Variants in SBF2 observed in about 807,000 individuals in gnomAD.
The protein encoded by SBF2 is myotubularin-related protein 13.
Under a neutral mutation model 225.2 loss-of-function variants are expected in SBF2, and 112 were observed. The observed-to-expected ratio is 0.50, with a 90% CI of 0.43 to 0.58. SBF2 has a LOEUF of 0.58. Among genes scored for constraint, SBF2 ranks in the 20% least tolerant of loss-of-function variants. The pLI is 0.00. For synonymous variants in SBF2, 763 were observed against 773.3 expected (o/e 0.99, Z 0.22); for missense variants, 1,996 against 2,206.2 (o/e 0.90, Z 1.91).
intron 1 of SBF2, among the ~76,000 whole-genome samples, chr11:10,215,864 T>C (rs1958110309): frequency 6.6e-6 from 1 of 152,234 alleles, no homozygotes. Context: ...TGAATTTCCA[T>C]CTGACTTACC....
At chr11:10,222,755 C>G (rs1958385045) in intron 1 of SBF2, among the ~76,000 whole-genome samples, 1 of 152,094 alleles carries the variant, frequency 6.6e-6, no homozygotes, top group South Asian at 2.1e-4. Flanking sequence ...TTTATTAACC[C>G]ATTTATATTG....
chr11:10,283,300 C>G (rs1417200159), intron 1 of SBF2, among the ~76,000 whole-genome samples: 1 of 152,020 alleles, frequency 6.6e-6, no homozygotes, highest in African/African-American at 2.4e-5. Context: ...TGGCAACAAA[C>G]AGCAACTAGA....
chr11:10,004,954 T>C (rs1179692518), intron 6 of SBF2, among the ~76,000 whole-genome samples: 5 of 152,152 alleles, frequency 3.3e-5, no homozygotes. Context: ...TGTCTCACTG[T>C]TACAGCAGGT....
intron 1 of SBF2, among the ~76,000 whole-genome samples, chr11:10,274,810 T>C (rs996610602): frequency 1.3e-5 from 2 of 151,084 alleles, no homozygotes; most frequent in Admixed American, 1.3e-4. Context: ...TAGAAACAAA[T>C]TCATTGTGAT....
rs1306977720 is a variant in SBF2, at chr11:9,812,601, T to C, written c.4086A>G (p.Pro1362=). The C allele has an allele frequency of 6.2e-7, 1 of 1,614,168 alleles. No homozygotes were observed. Among genetic ancestry groups the C allele is most frequent in the South Asian group, 1.1e-5 (1 of 91,080 alleles). The change falls in exon 30 of 40, where the codon CCA becomes CCG. Residue 1362 remains proline, a synonymous_variant. Transcript: ENST00000256190. ...CTTCTGAGTCAGTAGGGATGGTGCT[T>C]GGGATACAAGCCCTCATCAGCTTCT... ...SFKKLMRACI[P]STIPTDSEVT... is the part of the protein sequence containing the mutation.
chr11:10,300,525 A>G (rs1469808713), intron 1 of SBF2, among the ~76,000 whole-genome samples: 1 of 151,032 alleles, frequency 6.6e-6, no homozygotes, highest in Non-Finnish European at 1.5e-5. Flanking sequence ...ATATATATAA[A>G]TATATATACA....
chr11:10,021,743 C>T (rs1296962604), intron 6 of SBF2, among the ~76,000 whole-genome samples: 1 of 152,046 alleles, frequency 6.6e-6, no homozygotes, highest in South Asian at 2.1e-4. Context: ...TTGTAAAATC[C>T]GCTACCACCA....
chr11:9,959,179 T>A, intron 16 of SBF2: 1 of 810,150 alleles, frequency 1.2e-6, no homozygotes, highest in Admixed American at 1.7e-5. Context: ...GCTGATTCCT[T>A]CACAGGGTCC....
At position 10,303,491 on chromosome 11, in the gene SBF2, TGG is replaced by T. The variant is rs1964617283; in HGVS notation, n.386+999_386+1000del. The T allele has an allele frequency of 6.6e-6, 1 of 152,284 alleles. No individual in the cohort carries two copies. Among genetic ancestry groups the T allele is most frequent in the Non-Finnish European group, 1.5e-5 (1 of 68,108 alleles). The allele number at this position is 152,284 out of a possible 1,614,324, so 9.4% of individuals were successfully genotyped here. On this transcript the variant is annotated intron_variant and non_coding_transcript_variant, in intron 1 of 5. Transcript: ENST00000685217. This position sits in a 1 kb window ranked among gnomAD's most constrained non-coding sequence, Gnocchi z 5.2. ...AGTGCGCGGCCCAGACAGACCACTC[TGG>T]GCAAGGTCCGCGCGACCCACTGCCC... is the stretch of plus-strand genomic sequence containing the variant.
intron 1 of SBF2, among the ~76,000 whole-genome samples, chr11:10,245,742 G>C (rs1164547272): frequency 6.6e-6 from 1 of 152,168 alleles, no homozygotes; most frequent in Non-Finnish European, 1.5e-5. Context: ...ATGGAAACAA[G>C]CTAAATGTCC....
chr11:10,276,854 T>C (rs1962992375), intron 1 of SBF2, among the ~76,000 whole-genome samples: 1 of 152,158 alleles, frequency 6.6e-6, no homozygotes, highest in East Asian at 1.9e-4. Context: ...TTGTTATCAA[T>C]ATAATAATAT....
At chr11:10,086,835 C>G (rs570582028) in intron 2 of SBF2, among the ~76,000 whole-genome samples, 2 of 152,150 alleles carry the variant, frequency 1.3e-5, no homozygotes, top group African/African-American at 4.8e-5. Context: ...TGGTCCAGAT[C>G]GCCTGTTTTA....
intron 6 of SBF2, among the ~76,000 whole-genome samples, chr11:10,021,754 C>G (rs759837228): frequency 1.8e-4 from 27 of 152,182 alleles, no homozygotes; most frequent in Non-Finnish European, 2.8e-4. Flanking sequence ...GCTACCACCA[C>G]TACCCCCAAC....
At chr11:10,258,547 T>A (rs958722426) in intron 1 of SBF2, among the ~76,000 whole-genome samples, 2 of 151,810 alleles carry the variant, frequency 1.3e-5, no homozygotes, top group Non-Finnish European at 1.5e-5. Flanking sequence ...AAAAAAAAAA[T>A]TTCACATGAC....
At chr11:9,798,067 GATCA>G (rs140181858) in intron 32 of SBF2, among the ~76,000 whole-genome samples, 1,841 of 152,228 alleles carry the variant, frequency 0.012, 35 homozygotes, top group African/African-American at 0.042. Context: ...CATAATTAAG[GATCA>G]ATATTAAAAA....
At chr11:10,234,312 A>C (rs1032745675) in intron 1 of SBF2, among the ~76,000 whole-genome samples, 2 of 152,100 alleles carry the variant, frequency 1.3e-5, no homozygotes, top group Non-Finnish European at 1.5e-5. Flanking sequence ...AGCCAGTTTC[A>C]CTGAGCCAAT....
intron 16 of SBF2, among the ~76,000 whole-genome samples, chr11:9,910,284 C>A (rs1486795299): frequency 6.6e-6 from 1 of 152,180 alleles, no homozygotes; most frequent in African/African-American, 2.4e-5. Flanking sequence ...CAGTGTAACA[C>A]ATTACTCAGA....
intron 16 of SBF2, among the ~76,000 whole-genome samples, chr11:9,925,203 T>C (rs927922369): frequency 6.6e-6 from 1 of 152,136 alleles, no homozygotes; most frequent in Non-Finnish European, 1.5e-5. Flanking sequence ...AGGAAACAGG[T>C]AAAATTAAAT....
intron 17 of SBF2, among the ~76,000 whole-genome samples, chr11:9,890,048 A>G (rs1860669667): frequency 6.6e-6 from 1 of 152,006 alleles, no homozygotes; most frequent in African/African-American, 2.4e-5. Flanking sequence ...GGACTACAGA[A>G]GTGTGCCACC....
Sources: allele counts gnomAD v4.1 joint callset (sites outside exome capture counted in the v4.1 genomes callset), GRCh38; gene constraint gnomAD v4.1.1; non-coding constraint Gnocchi (gnomAD v3.1); transcripts MANE v1.5; gene names NCBI Gene and HGNC (gene_info 2026-07-23, HGNC 2026-07-21).